ARHGAP23: variants seen among roughly 807,000 people sequenced by gnomAD.
The protein encoded by ARHGAP23 is rho GTPase-activating protein 23.
A neutral mutation model predicts 136.3 loss-of-function variants in ARHGAP23; 34 were observed. The ratio of observed to expected loss-of-function variants is 0.25; its 90% CI spans 0.19 to 0.33. ARHGAP23 has a LOEUF of 0.33. Among genes scored for constraint, ARHGAP23 ranks in the 10% least tolerant of loss-of-function variants. The probability of loss-of-function intolerance (pLI) is 1.00; values close to 1 mark genes in which losing one functional copy is unlikely to be tolerated. For synonymous variants in ARHGAP23, 832 were observed against 920.5 expected, an observed-to-expected ratio of 0.90 and a Z score of 1.74; for missense variants, 1,808 against 2,139.0, an observed-to-expected ratio of 0.85 and a Z score of 3.05.
chr17:38,428,356 G>A (rs2038602502), upstream of ARHGAP23: 2 of 302,906 alleles, frequency 6.6e-6, no homozygotes, highest in Non-Finnish European at 5.8e-6. Flanking sequence ...GGAAGGGGGA[G>A]GGGCGAGGGG....
At chr17:38,479,685 G>A (rs2039984366) in intron 13 of ARHGAP23, 68 bp from the exon 14 acceptor site, 19 of 1,455,108 alleles carry the variant, frequency 1.3e-5, no homozygotes, top group Non-Finnish European at 1.7e-5. Context: ...GGGGCGGGAG[G>A]CCAGGGTGGG....
At chr17:38,465,863 G>C (rs905711554) in intron 6 of ARHGAP23, among the ~76,000 whole-genome samples, 1 of 152,132 alleles carries the variant, frequency 6.6e-6, no homozygotes, top group Non-Finnish European at 1.5e-5. Context: ...GGCCAGGACT[G>C]GGGGAGGACC....
At chr17:38,461,305 T>C (rs1402194980) in intron 3 of ARHGAP23, among the ~76,000 whole-genome samples, 10 of 152,122 alleles carry the variant, frequency 6.6e-5, no homozygotes, top group Non-Finnish European at 2.9e-5. Flanking sequence ...GGGCTGGTGG[T>C]GGGAGCGCTG....
intron 1 of ARHGAP23, among the ~76,000 whole-genome samples, chr17:38,450,052 C>G (rs941806502): frequency 2.0e-5 from 3 of 152,178 alleles, no homozygotes; most frequent in African/African-American, 7.2e-5. Context: ...AGGTGTCTGG[C>G]CCCACCCTCA....
intron 3 of ARHGAP23, 136 bp downstream of exon 3, chr17:38,461,068 T>G: frequency 6.9e-7 from 1 of 1,458,152 alleles, no homozygotes; most frequent in Non-Finnish European, 9.1e-7. Context: ...TTTGCTCCTG[T>G]CTGTGCCCCT....
intron 1 of ARHGAP23, among the ~76,000 whole-genome samples, chr17:38,454,818 T>A (rs2039286625): frequency 6.6e-6 from 1 of 152,344 alleles, no homozygotes; most frequent in African/African-American, 2.4e-5. Context: ...TTCTAGTTTC[T>A]GGTGCTGCCA....
At position 38,479,426 on chromosome 17, in the gene ARHGAP23, CCTG is replaced by C. The variant is rs1254858076; in HGVS notation, c.2437-7_2437-5del. ...ACTGACATGATCCGCTCTCTCCTCT[CCTG>C]CTTCAGGACCCCGGCTGTGCCAACC... On this transcript the variant is annotated splice_region_variant and splice_polypyrimidine_tract_variant and intron_variant, in intron 12 of 23. Transcript: ENST00000622683. 1.3e-6 allele frequency: 2 copies of C among 1,541,456 alleles called. No homozygotes were observed. Among genetic ancestry groups the C allele is most frequent in the Non-Finnish European group, 1.8e-6 (2 of 1,139,510 alleles).
chr17:38,458,618 C>T (rs956226576), intron 2 of ARHGAP23, among the ~76,000 whole-genome samples: 7 of 152,312 alleles, frequency 4.6e-5, no homozygotes, highest in Middle Eastern at 3.4e-3. Context: ...GAACAGTTGT[C>T]TGGGAGTTCC....
rs1597795690 is a variant in ARHGAP23, at chr17:38,466,545, T to C, written c.862T>C (p.Leu288=). The C allele has an allele frequency of 6.8e-6, 10 of 1,478,368 alleles. No homozygotes were observed. The African/African-American group carries it at 7.0e-5, about 10-fold the overall frequency. The allele number at this position is 1,478,368 out of a possible 1,614,324, so 91.6% of individuals were successfully genotyped here. A position where few individuals can be genotyped will look rare whatever the true frequency, so the allele number is the denominator to read the frequency against. The stretch of plus-strand genomic sequence containing the variant: ...CAGCAGACTGGAGTGCCAGCAGGCC[T>C]TGTCACACTGGCTGTCAAACCAGGT... The part of the protein sequence containing the change: ...PPSRLECQQA[L]SHWLSNQVPR... Residue 288 remains leucine, a synonymous_variant, in exon 7 of 24, where the codon TTG becomes CTG. Transcript: ENST00000622683.
chr17:38,490,663 C>T (rs2040257342), intron 19 of ARHGAP23, 112 bp downstream of exon 19: 1 of 839,882 alleles, frequency 1.2e-6, no homozygotes, highest in Middle Eastern at 3.3e-4. Flanking sequence ...CCCCTCTAGG[C>T]ACGCCCTCCT....
At chr17:38,473,681 G>T (rs1301789675) in intron 11 of ARHGAP23, among the ~76,000 whole-genome samples, 2 of 151,984 alleles carry the variant, frequency 1.3e-5, no homozygotes, top group African/African-American at 4.8e-5. Flanking sequence ...CCGGGGTGCG[G>T]GGGCGGGTGG....
chr17:38,510,867 C>T lies in ARHGAP23; in HGVS notation c.4371C>T (p.Ala1457=). 6.7e-7 allele frequency: 1 copy of T among 1,499,996 alleles called. No homozygotes were observed. Among genetic ancestry groups the T allele is most frequent in the Middle Eastern group, 2.3e-4 (1 of 4,308 alleles). The allele number at this position is 1,499,996 out of a possible 1,614,324, so 92.9% of individuals were successfully genotyped here. Residue 1457 remains alanine (A), a synonymous_variant, in exon 24 of 24, where the codon GCC becomes GCT. Transcript: ENST00000622683. This position sits in a 1 kb window ranked among gnomAD's most constrained non-coding sequence, Gnocchi z 4.6. ...GCCTGGAGTCCACCAAGGCGCGGGC[C>T]CCGTCGTCCGCTGCCTCGCAGCCGC... ...LSSLESTKAR[A]PSSAASQPPA... is the part of the protein sequence containing the mutation.
intron 20 of ARHGAP23, 25 bp downstream of exon 20, chr17:38,491,557 C>T: frequency 6.5e-7 from 1 of 1,549,220 alleles, no homozygotes; most frequent in Non-Finnish European, 8.7e-7. Flanking sequence ...CGGGGGGCGC[C>T]CGGCAGCCCC....
chr17:38,487,186 G>A (rs2040179024), intron 17 of ARHGAP23, among the ~76,000 whole-genome samples: 1 of 152,230 alleles, frequency 6.6e-6, no homozygotes, highest in African/African-American at 2.4e-5. Context: ...TTTAACAAAA[G>A]CAGAGTTGTA....
Position 38,477,834 on chromosome 17 carries a change from G to A in ARHGAP23, c.2374G>A (p.Asp792Asn). 6.5e-7 allele frequency: 1 copy of A among 1,549,704 alleles called. No individual in the cohort carries two copies. ...CTGTGAATATCTCTTTCAGGCTGAG[G>A]ACCGGGATGACATGCTGGGCTGGAT... Reference protein sequence around the residue: ...DFCEYLFQAEDRDDMLGWIRA... With the variant: ...DFCEYLFQAENRDDMLGWIRA... The change falls in exon 12 of 24, where the codon GAC (aspartate) becomes AAC (asparagine). Residue 792 changes from aspartate (D) to asparagine (N), a missense_variant. Physicochemically the swap from Asp to Asn is conservative, Grantham distance 23. Transcript: ENST00000622683. This position sits in a 1 kb window ranked among gnomAD's most constrained non-coding sequence, Gnocchi z 6.6.
intron 1 of ARHGAP23, among the ~76,000 whole-genome samples, chr17:38,437,799 G>C (rs1414463820): frequency 1.3e-5 from 2 of 151,374 alleles, no homozygotes; most frequent in Admixed American, 6.6e-5. Context: ...TAACGAAGGG[G>C]GGGGAGGGCA....
intron 2 of ARHGAP23, among the ~76,000 whole-genome samples, chr17:38,459,916 G>A (rs1166464185): frequency 1.3e-5 from 2 of 152,200 alleles, no homozygotes; most frequent in Non-Finnish European, 2.9e-5. Context: ...GCTTTCCTGT[G>A]ACCCACCCTG....
intron 1 of ARHGAP23, chr17:38,451,264 G>C (rs1205796626): frequency 6.6e-6 from 1 of 152,374 alleles, no homozygotes; most frequent in African/African-American, 2.4e-5. Context: ...GGTGGTGGGG[G>C]TGGGGAAGGA....
chr17:38,436,099 C>CCTAG (rs971452115), intron 1 of ARHGAP23, among the ~76,000 whole-genome samples: 1 of 152,140 alleles, frequency 6.6e-6, no homozygotes, highest in African/African-American at 2.4e-5. Flanking sequence ...CCACACAGCA[C>CCTAG]CTAGACGTTT....
Sources: gnomAD v4.1 joint callset for allele counts (sites outside exome capture counted in the v4.1 genomes callset) on GRCh38, gnomAD v4.1.1 for gene constraint, Gnocchi (gnomAD v3.1) non-coding constraint, MANE v1.5 for transcripts, NCBI Gene and HGNC (gene_info 2026-07-23, HGNC 2026-07-21) for gene names.